The following FHOD3 variants were observed in gnomAD, a reference collection of about 807,000 sequenced individuals.
The protein encoded by FHOD3 is formin homology 2 domain containing 3.
FHOD3 carries 90 observed loss-of-function variants against 173.0 expected under a neutral mutation model. The observed-to-expected ratio is 0.52, with a 90% CI of 0.44 to 0.62. FHOD3 has a LOEUF of 0.62. Ranked by LOEUF, FHOD3 falls within the 20% of genes least tolerant of loss-of-function variation. FHOD3 has a pLI of 0.00. For missense variants in FHOD3, 1,945 were observed against 2,034.7 expected (o/e 0.96, Z 0.85); for synonymous variants, 828 against 823.0 (o/e 1.01, Z -0.10).
At chr18:36,763,655 G>A (rs114454539) in intron 27 of FHOD3, among the ~76,000 whole-genome samples, 7,338 of 147,624 alleles carry the variant, frequency 0.05, 803 homozygotes, top group African/African-American at 0.17. Context: ...TATTATACAC[G>A]TTATATATAA....
chr18:36,333,036 G>A (rs1265884888), intron 1 of FHOD3, among the ~76,000 whole-genome samples: 2 of 152,312 alleles, frequency 1.3e-5, no homozygotes, highest in African/African-American at 2.4e-5. Context: ...AGCAAAGATT[G>A]TTTTCATTCT....
chr18:36,366,884 G>C (rs2046924590), intron 2 of FHOD3, among the ~76,000 whole-genome samples: 1 of 152,186 alleles, frequency 6.6e-6, no homozygotes, highest in Non-Finnish European at 1.5e-5. Context: ...TTCTATCCTT[G>C]ACTGAAACTA....
intron 3 of FHOD3, among the ~76,000 whole-genome samples, chr18:36,392,031 C>A (rs949277413): frequency 6.6e-6 from 1 of 152,218 alleles, no homozygotes; most frequent in Admixed American, 6.5e-5. Flanking sequence ...GGCTGTCCTG[C>A]CCAGTGGCAC....
At chr18:36,500,898 T>C (rs2054997903) in intron 3 of FHOD3, among the ~76,000 whole-genome samples, 1 of 152,148 alleles carries the variant, frequency 6.6e-6, no homozygotes, top group African/African-American at 2.4e-5. Flanking sequence ...GCCACCTGGA[T>C]CAGGACCAAG....
chr18:36,444,013 G>A (rs978437689), intron 3 of FHOD3, among the ~76,000 whole-genome samples: 1 of 152,024 alleles, frequency 6.6e-6, no homozygotes, highest in African/African-American at 2.4e-5. Context: ...AGACCATGGT[G>A]AAACCCCGTC....
intron 3 of FHOD3, among the ~76,000 whole-genome samples, chr18:36,489,368 C>T: frequency 6.6e-6 from 1 of 152,194 alleles, no homozygotes; most frequent in East Asian, 1.9e-4. Flanking sequence ...GCCCTGTTCA[C>T]AAGCAAAACC....
At chr18:36,313,513 A>C (rs2092302712) in intron 1 of FHOD3, among the ~76,000 whole-genome samples, 1 of 152,166 alleles carries the variant, frequency 6.6e-6, no homozygotes, top group Non-Finnish European at 1.5e-5. Context: ...ATGCTATATG[A>C]ATAGAATCAT....
intron 27 of FHOD3, among the ~76,000 whole-genome samples, chr18:36,763,728 G>A (rs1415640866): frequency 6.6e-6 from 1 of 151,550 alleles, no homozygotes; most frequent in Admixed American, 6.6e-5. Flanking sequence ...TTGATGCACA[G>A]CTGAAAATAT....
At position 36,307,604 on chromosome 18, in the gene FHOD3, T is replaced by A. The variant is rs183251401; in HGVS notation, c.165+9604T>A. Among the ~76,000 whole-genome samples, 277 of 152,384 alleles carry A rather than the reference T, an allele frequency of 1.8e-3. 2 individuals carry two copies. Among genetic ancestry groups the A allele is most frequent in the Non-Finnish European group, 3.3e-3 (222 of 68,042 alleles). ...TCAGATCAGTATGTGTTTATTGATG[T>A]GCATGTGTCTTGTACTCTAAAGTAT... is the stretch of plus-strand genomic sequence containing the variant. On this transcript the variant is annotated intron_variant, in intron 1 of 28. Transcript: ENST00000590592.
chr18:36,765,141 G>C (rs925107900), intron 27 of FHOD3, among the ~76,000 whole-genome samples: 1 of 152,202 alleles, frequency 6.6e-6, no homozygotes, highest in Non-Finnish European at 1.5e-5. Context: ...TTGGAGGGAG[G>C]AAGGTCAGCG....
At chr18:36,635,776 C>G (rs889567806) in intron 10 of FHOD3, among the ~76,000 whole-genome samples, 3 of 152,308 alleles carry the variant, frequency 2.0e-5, no homozygotes, top group Non-Finnish European at 2.9e-5. Context: ...ATGGTTGAAG[C>G]TCTAGTTTAG....
intron 9 of FHOD3, among the ~76,000 whole-genome samples, chr18:36,622,517 C>T (rs1330026504): frequency 6.6e-6 from 1 of 152,062 alleles, no homozygotes; most frequent in African/African-American, 2.4e-5. Flanking sequence ...GCTCCTTGCC[C>T]AAGTTTTTAG....
intron 5 of FHOD3, among the ~76,000 whole-genome samples, chr18:36,527,209 A>G (rs2056561978): frequency 6.6e-6 from 1 of 152,210 alleles, no homozygotes; most frequent in Non-Finnish European, 1.5e-5. Flanking sequence ...ACTCGTGGGC[A>G]ATGCTGTTGT....
intron 5 of FHOD3, among the ~76,000 whole-genome samples, chr18:36,573,459 A>G (rs1438944960): frequency 7.2e-6 from 1 of 137,984 alleles, no homozygotes; most frequent in Non-Finnish European, 1.6e-5. Context: ...AAAAAAAAAT[A>G]GCTTGGTGTG....
intron 4 of FHOD3, among the ~76,000 whole-genome samples, chr18:36,510,407 C>T (rs1002751392): frequency 6.6e-6 from 1 of 152,100 alleles, no homozygotes; most frequent in African/African-American, 2.4e-5. Flanking sequence ...TTCCTGAGTG[C>T]CTTATCTACA....
chr18:36,489,951 A>C (rs1297812141), intron 3 of FHOD3, among the ~76,000 whole-genome samples: 1 of 152,122 alleles, frequency 6.6e-6, no homozygotes, highest in Non-Finnish European at 1.5e-5. Context: ...GGCCAGAAGT[A>C]AGTCCCTGGT....
intron 6 of FHOD3, among the ~76,000 whole-genome samples, chr18:36,587,945 G>C (rs1364599923): frequency 6.6e-6 from 1 of 152,184 alleles, no homozygotes; most frequent in Admixed American, 6.5e-5. Context: ...AAATTGCATT[G>C]TGTCATAAGC....
rs557698867 is a variant in FHOD3, at chr18:36,656,634, T to C, written c.1722-1441T>C. On this transcript the variant is annotated intron_variant, in intron 13 of 28. Coordinates refer to ENST00000590592, the MANE Select transcript of FHOD3 (RefSeq NM_001281740.3). ...TTCTTTTTTAAAAAATAGCCCATTT[T>C]TATAGTTTTTCCTACACTTAGTTTT... 2.6e-5 allele frequency among the ~76,000 whole-genome samples: 4 copies of C among 152,338 alleles called. No individual in the cohort carries two copies. The South Asian group carries it at 8.3e-4, about 32-fold the overall frequency.
intron 13 of FHOD3, among the ~76,000 whole-genome samples, chr18:36,657,431 C>G (rs1390197930): frequency 1.3e-5 from 2 of 152,298 alleles, no homozygotes; most frequent in Non-Finnish European, 2.9e-5. Flanking sequence ...TTTAACTTGT[C>G]AGACATGTCT....
Sources: gnomAD v4.1 joint callset for allele counts (sites outside exome capture counted in the v4.1 genomes callset) on GRCh38, gnomAD v4.1.1 for gene constraint, MANE v1.5 for transcripts, NCBI Gene and HGNC (gene_info 2026-07-23, HGNC 2026-07-21) for gene names.